The following CCNL1 variants were observed in gnomAD, a reference collection of about 807,000 sequenced individuals.
CCNL1 encodes cyclin L1, also known as cyclin-L1.
In CCNL1, 13 loss-of-function variants were observed where a neutral mutation model predicts 60.6. That is an observed-to-expected ratio of 0.21 (90% CI 0.14 to 0.34). The LOEUF (loss-of-function observed/expected upper bound fraction) is 0.34, where lower values mean the gene tolerates loss of function less well. Among genes scored for constraint, CCNL1 ranks in the 10% least tolerant of loss-of-function variants. The pLI, the probability that CCNL1 is intolerant of heterozygous loss-of-function variation, is 1.00. For missense variants in CCNL1, 481 were observed against 664.3 expected, an observed-to-expected ratio of 0.72 and a Z score of 3.03; for synonymous variants, 270 against 244.3, an observed-to-expected ratio of 1.10 and a Z score of -0.98.
At chr3:157,155,767 A>C (rs1225525491) in intron 3 of CCNL1, among the ~76,000 whole-genome samples, 1 of 152,190 alleles carries the variant, frequency 6.6e-6, no homozygotes, top group South Asian at 2.1e-4. Context: ...GGCCTGCTAG[A>C]ATTTCTTCCT....
chr3:157,152,152 A>G (rs1466733966), intron 5 of CCNL1, 25 bp downstream of exon 5: 2 of 1,605,160 alleles, frequency 1.2e-6, no homozygotes, highest in East Asian at 2.2e-5. Context: ...CCTGGCTAGG[A>G]AAGAAATCTA....
At position 157,159,353 on chromosome 3, in the gene CCNL1, C is replaced by G. The variant is rs139556532; in HGVS notation, c.378+52G>C. 8.6e-3 allele frequency: 13,307 copies of G among 1,553,588 alleles called. 73 individuals are homozygous for G. Among genetic ancestry groups the G allele is most frequent in the Middle Eastern group, 0.011 (63 of 5,954 alleles). On this transcript the variant is annotated intron_variant, in intron 2 of 10. Transcript: ENST00000295926. ...GCTGGCTGCTGACACTACCCCTACTCTGCCCATTTCCGGATGAAGAAATCC... is the reference window on the plus strand; with the variant it reads ...GCTGGCTGCTGACACTACCCCTACTGTGCCCATTTCCGGATGAAGAAATCC...
chr3:157,150,615 T>C (rs1738114076), intron 5 of CCNL1: 1 of 1,209,622 alleles, frequency 8.3e-7, no homozygotes, highest in African/African-American at 1.5e-5. Flanking sequence ...TTAAATTATT[T>C]CATATTACAA....
At chr3:157,149,741 T>A in intron 8 of CCNL1, 95 bp downstream of exon 8, 1 of 1,505,276 alleles carries the variant, frequency 6.6e-7, no homozygotes, top group Non-Finnish European at 9.0e-7. Flanking sequence ...TTTCCTAACA[T>A]CATTTTTCTC....
chr3:157,148,446 C>T lies in CCNL1; in HGVS notation c.1376G>A (p.Ser459Asn). Residue 459 changes from serine to asparagine, a missense_variant, in exon 11 of 11, where the codon AGT becomes AAT. Ser to Asn is a conservative substitution (Grantham distance 46). Around this residue, in one of 5 missense-constraint regions of CCNL1, gnomAD observed 197 missense variants for 233.9 expected, o/e 0.84. Coordinates refer to ENST00000295926, the MANE Select transcript of CCNL1 (RefSeq NM_020307.4). ...CCTTTTATGACCATGTCTGTTTGAA[C>T]TTTTTAAATCATCTCTGGTATGCTT... ...KAKHTRDDLK[S>N]SNRHGHKRKK... The T allele has an allele frequency of 6.2e-7, 1 of 1,614,104 alleles. No individual in the cohort carries two copies. Among genetic ancestry groups the T allele is most frequent in the Non-Finnish European group, 8.5e-7 (1 of 1,180,010 alleles).
chr3:157,145,618 C>T (rs768290315), downstream of CCNL1, among the ~76,000 whole-genome samples: 2 of 151,972 alleles, frequency 1.3e-5, no homozygotes, highest in Non-Finnish European at 2.9e-5. Flanking sequence ...GTACAAGCAC[C>T]AATGGATAAG....
rs1370880775 is a variant in CCNL1, at chr3:157,150,398, C to G, written c.675-17G>C. ...ATGTAATTCCTGAAAAATATTTCAA[C>G]TATAAGCTTGCATGTAAACAAACCA... is the stretch of plus-strand genomic sequence containing the variant. On this transcript the variant is annotated splice_polypyrimidine_tract_variant and intron_variant, in intron 5 of 10. Transcript: ENST00000295926. 3 of 1,610,748 alleles carry G rather than the reference C, an allele frequency of 1.9e-6. No homozygotes were observed. The highest frequency in any genetic ancestry group is 1.7e-6 in the Non-Finnish European group (2 of 1,177,960).
chr3:157,159,568 T>C (rs10936061), intron 1 of CCNL1, 89 bp from the exon 2 acceptor site: 317,242 of 1,273,600 alleles, frequency 0.25, 42,473 homozygotes, highest in Admixed American at 0.46. Context: ...ATCGCTTCCC[T>C]TTCCCCTCCC....
At chr3:157,145,944 TAAAAC>T (rs1304151397), downstream of CCNL1, among the ~76,000 whole-genome samples, 1 of 152,212 alleles carries the variant, frequency 6.6e-6, no homozygotes, top group African/African-American at 2.4e-5. Flanking sequence ...ACAAATCAGT[TAAAAC>T]AAATTAGAGA....
At position 157,160,008 on chromosome 3, in the gene CCNL1, C is replaced by T. The variant is rs1286197926; in HGVS notation, c.87G>A (p.Thr29=). The T allele has an allele frequency of 1.9e-6, 3 of 1,572,708 alleles. No homozygotes were observed. The highest frequency in any genetic ancestry group is 2.4e-5 in the East Asian group (1 of 42,460). Residue 29 remains threonine (T), a synonymous_variant, in exon 1 of 11, where the codon ACG becomes ACA. Coordinates refer to ENST00000295926, the MANE Select transcript of CCNL1 (RefSeq NM_020307.4). ...CCGTCGTGGTCGTCGTCGTGGTCGT[C>T]GTCCCGGAGCTGGAGCCGCCCGCGC... is the stretch of plus-strand genomic sequence containing the variant. ...APSAGGSSSG[T]TTTTTTTTGG...
Position 157,150,276 on chromosome 3 carries a change from A to T in CCNL1, c.774+6T>A. The T allele has an allele frequency of 6.2e-7, 1 of 1,613,634 alleles. No individual in the cohort carries two copies. Among genetic ancestry groups the T allele is most frequent in the Non-Finnish European group, 8.5e-7 (1 of 1,179,698 alleles). On this transcript the variant is annotated splice_donor_region_variant and intron_variant, in intron 6 of 10. Transcript: ENST00000295926. ...CTACAGAACAAAATGGGAAATATAC[A>T]CCTACCTGAAGTGCTCTAGCTGCAA...
At chr3:157,159,689 G>A (rs1738926474) in intron 1 of CCNL1, 103 bp downstream of exon 1, 1 of 1,199,444 alleles carries the variant, frequency 8.3e-7, no homozygotes, top group South Asian at 1.6e-5. Context: ...AAAGCCTGAA[G>A]GAACCGTCCC....
Position 157,147,902 on chromosome 3 carries a change from T to C in CCNL1, c.*339A>G. The C allele has an allele frequency of 9.8e-7, 1 of 1,021,080 alleles. No individual in the cohort carries two copies. The highest frequency in any genetic ancestry group is 1.2e-6 in the Non-Finnish European group (1 of 853,636). 63.3% of individuals were successfully genotyped at this position (1,021,080 alleles called of 1,614,324 possible). On this transcript the variant is annotated 3_prime_UTR_variant, in exon 11 of 11. Coordinates refer to ENST00000295926, the MANE Select transcript of CCNL1 (RefSeq NM_020307.4). ...ACCATCATTTAAACAAATAACCACTTAAATAGAACAGTGTCTGCAATTTTA... is the reference window on the plus strand; with the variant it reads ...ACCATCATTTAAACAAATAACCACTCAAATAGAACAGTGTCTGCAATTTTA...
In CCNL1 at chr3:157,149,349, TCTG is replaced by T. The variant is rs1737994112; in HGVS notation, c.1167_1169del (p.Ser389del). 6.2e-7 allele frequency: 1 copy of T among 1,614,098 alleles called. No homozygotes were observed. The highest frequency in any genetic ancestry group is 8.5e-7 in the Non-Finnish European group (1 of 1,179,966). On this transcript the variant is annotated inframe_deletion, in exon 10 of 11. Coordinates refer to ENST00000295926, the MANE Select transcript of CCNL1 (RefSeq NM_020307.4). ...TTCTTGACCTCGATCGACTTGCACTTCTGCTATTTCTACTTCTCTTGCTGTCTT... is the reference window on the plus strand; with the variant it reads ...TTCTTGACCTCGATCGACTTGCACTTCTATTTCTACTTCTCTTGCTGTCTT...
At chr3:157,152,318 TGAAAATG>T in intron 4 of CCNL1, 77 bp from the exon 5 acceptor site, 1 of 1,557,110 alleles carries the variant, frequency 6.4e-7, no homozygotes, top group Non-Finnish European at 8.6e-7. Flanking sequence ...AAAAAGTAAT[TGAAAATG>T]TTAGACTCAA....
intron 4 of CCNL1, chr3:157,152,818 A>T: frequency 7.8e-7 from 1 of 1,290,190 alleles, no homozygotes; most frequent in Non-Finnish European, 9.8e-7. Context: ...CTATGAGCAC[A>T]CAATTAAGAT....
At chr3:157,157,684 G>A (rs1048717823) in intron 3 of CCNL1, among the ~76,000 whole-genome samples, 1 of 152,254 alleles carries the variant, frequency 6.6e-6, no homozygotes, top group Non-Finnish European at 1.5e-5. Context: ...TCTATCCCTG[G>A]ACACAGTTAA....
Position 157,147,970 on chromosome 3 carries a change from A to G in CCNL1, c.*271T>C. 8.6e-7 allele frequency: 1 copy of G among 1,169,078 alleles called. No individual in the cohort carries two copies. Among genetic ancestry groups the G allele is most frequent in the Non-Finnish European group, 1.1e-6 (1 of 947,954 alleles). The allele number at this position is 1,169,078 out of a possible 1,614,324, so 72.4% of individuals were successfully genotyped here. A position where few individuals can be genotyped will look rare whatever the true frequency, so the allele number is the denominator to read the frequency against. Reference sequence around the variant, plus strand: ...TACATTTTTACAGAATTCACGCTCCAGTTCTTATAGCAATAAACAATACAC... The same window carrying G: ...TACATTTTTACAGAATTCACGCTCCGGTTCTTATAGCAATAAACAATACAC... On this transcript the variant is annotated 3_prime_UTR_variant, in exon 11 of 11. Coordinates refer to ENST00000295926, the MANE Select transcript of CCNL1 (RefSeq NM_020307.4).
chr3:157,158,587 C>CT (rs766628025), intron 3 of CCNL1: 4 of 247,584 alleles, frequency 1.6e-5, no homozygotes, highest in Non-Finnish European at 3.2e-5. Context: ...AATGTACTCC[C>CT]TTTCTTGTTT....
Sources: allele counts gnomAD v4.1 joint callset (sites outside exome capture counted in the v4.1 genomes callset), GRCh38; gene constraint gnomAD v4.1.1; regional missense constraint gnomAD v4.1.1; transcripts MANE v1.5; gene names NCBI Gene and HGNC (gene_info 2026-07-23, HGNC 2026-07-21).